Variants in ZNF365 observed in about 807,000 individuals in gnomAD.
ZNF365 encodes protein ZNF365.
A neutral mutation model predicts 35.0 loss-of-function variants in ZNF365; 22 were observed. The ratio of observed to expected loss-of-function variants is 0.63; its 90% CI spans 0.45 to 0.90. The LOEUF (loss-of-function observed/expected upper bound fraction) is 0.90, where lower values mean the gene tolerates loss of function less well. ZNF365 is among the 40% of genes least tolerant of loss of function. The pLI is 0.00. For synonymous variants in ZNF365, 188 were observed against 196.2 expected, an observed-to-expected ratio of 0.96 and a Z score of 0.35; for missense variants, 448 against 500.3, an observed-to-expected ratio of 0.90 and a Z score of 1.00.
intron 3 of ZNF365, among the ~76,000 whole-genome samples, chr10:62,455,221 A>T (rs1272654703): frequency 6.6e-6 from 1 of 152,134 alleles, no homozygotes; most frequent in Non-Finnish European, 1.5e-5. Context: ...CAGCACAGGG[A>T]GGCTGGGAGA....
intron 3 of ZNF365, among the ~76,000 whole-genome samples, chr10:62,414,075 T>A (rs1840032213): frequency 6.6e-6 from 1 of 152,196 alleles, no homozygotes; most frequent in Admixed American, 6.5e-5. Flanking sequence ...ATTAGTTTAT[T>A]GGATATAATA....
chr10:62,448,087 CA>C (rs1336354636), intron 3 of ZNF365, among the ~76,000 whole-genome samples: 1 of 152,152 alleles, frequency 6.6e-6, no homozygotes, highest in African/African-American at 2.4e-5. Context: ...GCTATTAATT[CA>C]ATTTCTTTTT....
intron 3 of ZNF365, among the ~76,000 whole-genome samples, chr10:62,436,005 T>G (rs1840401194): frequency 6.6e-6 from 1 of 152,196 alleles, no homozygotes; most frequent in African/African-American, 2.4e-5. Context: ...CACCTGAGAC[T>G]CTTCAAAATT....
chr10:62,391,264 A>G (rs1470550716), intron 3 of ZNF365, among the ~76,000 whole-genome samples: 1 of 152,184 alleles, frequency 6.6e-6, no homozygotes, highest in Non-Finnish European at 1.5e-5. Flanking sequence ...TTGGGGGAAC[A>G]GGTGGTGTTT....
intron 3 of ZNF365, among the ~76,000 whole-genome samples, chr10:62,457,391 G>C (rs536540397): frequency 2.0e-5 from 3 of 152,332 alleles, no homozygotes; most frequent in Admixed American, 2.0e-4. Context: ...GTGGCCAAGG[G>C]CATAGGTTGT....
intron 3 of ZNF365, among the ~76,000 whole-genome samples, chr10:62,409,873 T>G (rs1396858293): frequency 6.6e-6 from 1 of 152,078 alleles, no homozygotes; most frequent in African/African-American, 2.4e-5. Context: ...GCCTGCCAGA[T>G]ATATATGGGG....
At chr10:62,381,647 G>C (rs547551130) in intron 2 of ZNF365, among the ~76,000 whole-genome samples, 1 of 152,264 alleles carries the variant, frequency 6.6e-6, no homozygotes, top group Non-Finnish European at 1.5e-5. Context: ...TGAGGTGTTG[G>C]GAGGCAGGGG....
chr10:62,476,894 CTT>C (rs1841141053), intron 4 of ZNF365, among the ~76,000 whole-genome samples: 1 of 152,150 alleles, frequency 6.6e-6, no homozygotes, highest in Non-Finnish European at 1.5e-5. Flanking sequence ...CCTGTTCTGT[CTT>C]ATTAGTGGGC....
At chr10:62,469,204 G>A (rs1313407650) in intron 4 of ZNF365, among the ~76,000 whole-genome samples, 1 of 152,134 alleles carries the variant, frequency 6.6e-6, no homozygotes, top group African/African-American at 2.4e-5. Context: ...GTCAAACAAG[G>A]TTTTAGCAGA....
At chr10:62,472,826 T>C (rs1196691265) in intron 4 of ZNF365, among the ~76,000 whole-genome samples, 1 of 152,208 alleles carries the variant, frequency 6.6e-6, no homozygotes, top group East Asian at 1.9e-4. Context: ...TGAACTTTAG[T>C]CTTTCCTAAT....
intron 3 of ZNF365, among the ~76,000 whole-genome samples, chr10:62,395,866 T>C (rs1839718234): frequency 6.6e-6 from 1 of 152,164 alleles, no homozygotes; most frequent in African/African-American, 2.4e-5. Context: ...AAACCTGTAC[T>C]TAGGTTGGCT....
chr10:62,448,312 G>T (rs1840623345), intron 3 of ZNF365, among the ~76,000 whole-genome samples: 1 of 152,168 alleles, frequency 6.6e-6, no homozygotes, highest in African/African-American at 2.4e-5. Context: ...TGGAGACAGA[G>T]TCCCTTTCCC....
chr10:62,406,212 T>A (rs921953414), downstream of ZNF365, among the ~76,000 whole-genome samples: 1 of 152,132 alleles, frequency 6.6e-6, no homozygotes, highest in Non-Finnish European at 1.5e-5. Context: ...CAGAGCTCTC[T>A]CCATGCACTG....
At chr10:62,460,512 C>A (rs2132480600) in intron 4 of ZNF365, among the ~76,000 whole-genome samples, 1 of 152,328 alleles carries the variant, frequency 6.6e-6, no homozygotes, top group South Asian at 2.1e-4. Flanking sequence ...CTCTCTCTCT[C>A]TCTTAAAATA....
chr10:62,446,593 C>A (rs935724164), intron 3 of ZNF365, among the ~76,000 whole-genome samples: 1 of 90,480 alleles, frequency 1.1e-5, no homozygotes, highest in African/African-American at 3.4e-5. Flanking sequence ...AGATACAGAG[C>A]TTCCAGGGAT....
At position 62,398,762 on chromosome 10, in the gene ZNF365, G is replaced by C. The variant is rs1052880661; in HGVS notation, c.947G>C (p.Arg316Thr). The change falls in exon 4 of 5, where the codon AGG (arginine) becomes ACG (threonine). Residue 316 changes from arginine to threonine, a missense_variant. By Grantham distance (71) the Arg-to-Thr change is moderately conservative. Coordinates refer to ENST00000395254, the MANE Select transcript of ZNF365 (RefSeq NM_014951.3). ...CAGCTTACAGACATCTCCTCAAATA[G>C]GAAGCCCAAATGCCTGTATGTATGT... ...GHVLTDISSN[R>T]KPKCLSRGHP... 3 of 1,612,538 alleles carry C rather than the reference G, an allele frequency of 1.9e-6. No homozygotes were observed. The highest frequency in any genetic ancestry group is 2.7e-5 in the African/African-American group (2 of 74,984).
intron 3 of ZNF365, among the ~76,000 whole-genome samples, chr10:62,428,764 G>T (rs1411050595): frequency 2.0e-5 from 3 of 152,178 alleles, no homozygotes; most frequent in African/African-American, 7.2e-5. Context: ...AATCCCACTT[G>T]ACACTGAACG....
At chr10:62,432,106 C>T (rs1013405972) in intron 3 of ZNF365, among the ~76,000 whole-genome samples, 2 of 152,134 alleles carry the variant, frequency 1.3e-5, no homozygotes, top group African/African-American at 4.8e-5. Context: ...TGTGATTTGT[C>T]TGCCACTTGA....
chr10:62,431,768 C>G (rs1167674268), intron 3 of ZNF365, among the ~76,000 whole-genome samples: 1 of 152,050 alleles, frequency 6.6e-6, no homozygotes, highest in East Asian at 1.9e-4. Flanking sequence ...GAAAGATTTT[C>G]CTAAAAACAG....
Sources: gnomAD v4.1 joint callset for allele counts (sites outside exome capture counted in the v4.1 genomes callset) on GRCh38, gnomAD v4.1.1 for gene constraint, MANE v1.5 for transcripts, NCBI Gene and HGNC (gene_info 2026-07-23, HGNC 2026-07-21) for gene names.